DNER: variants seen among roughly 807,000 people sequenced by gnomAD.
DNER encodes the protein delta and Notch-like epidermal growth factor-related receptor.
DNER carries 33 observed loss-of-function variants against 78.2 expected under a neutral mutation model. The ratio of observed to expected loss-of-function variants is 0.42; its 90% CI spans 0.32 to 0.56. The LOEUF is 0.56. Among genes scored for constraint, DNER ranks in the 20% least tolerant of loss-of-function variants. The pLI is 0.11. For synonymous variants in DNER, 417 were observed against 384.8 expected, an observed-to-expected ratio of 1.08 and a Z score of -0.98; for missense variants, 918 against 975.3, an observed-to-expected ratio of 0.94 and a Z score of 0.78.
At chr2:229,496,014 G>A (rs1424943338) in intron 6 of DNER, among the ~76,000 whole-genome samples, 1 of 152,158 alleles carries the variant, frequency 6.6e-6, no homozygotes, top group African/African-American at 2.4e-5. Flanking sequence ...CCTACAGAGT[G>A]TTTGGCACCT....
chr2:229,413,746 A>G (rs188195178), intron 9 of DNER, among the ~76,000 whole-genome samples: 60 of 150,384 alleles, frequency 4.0e-4, no homozygotes, highest in African/African-American at 1.3e-3. Flanking sequence ...ATATATAGTT[A>G]TATTATATAT....
chr2:229,596,741 T>C (rs1004351697), intron 1 of DNER, among the ~76,000 whole-genome samples: 7 of 152,182 alleles, frequency 4.6e-5, no homozygotes, highest in South Asian at 2.1e-4. Flanking sequence ...CTGAGCTTCA[T>C]AGATGAGAGG....
At chr2:229,565,504 T>C (rs1574906212) in intron 4 of DNER, among the ~76,000 whole-genome samples, 1 of 152,186 alleles carries the variant, frequency 6.6e-6, no homozygotes, top group African/African-American at 2.4e-5. Flanking sequence ...ATGGCTACCA[T>C]TCATAGGATT....
intron 1 of DNER, among the ~76,000 whole-genome samples, chr2:229,602,005 T>G (rs887100896): frequency 4.6e-5 from 7 of 152,146 alleles, no homozygotes; most frequent in African/African-American, 1.7e-4. Context: ...ATGCTTTTTT[T>G]TTTTTCACTT....
Position 229,547,077 on chromosome 2 carries a change from G to A in DNER, c.863C>T (p.Ser288Phe), listed in dbSNP as rs1465571570. Reference protein sequence around the residue: ...NNHFIGFVNDSVTKSIVALRL... With the variant: ...NNHFIGFVNDFVTKSIVALRL... ...CAAAGCCACAATAGACTTAGTCACAGAATCATTCACAAAACCTAAAAGAAA... is the reference window on the plus strand; with the variant it reads ...CAAAGCCACAATAGACTTAGTCACAAAATCATTCACAAAACCTAAAAGAAA... The change falls in exon 5 of 13, where the codon TCT (serine) becomes TTT (phenylalanine). Residue 288 changes from serine to phenylalanine, a missense_variant. Coordinates refer to ENST00000341772, the MANE Select transcript of DNER (RefSeq NM_139072.4). The A allele has an allele frequency of 8.1e-6, 13 of 1,613,872 alleles. No homozygotes were observed. Among genetic ancestry groups the A allele is most frequent in the African/African-American group, 2.7e-5 (2 of 74,900 alleles).
chr2:229,580,591 CA>C (rs1697374799), intron 4 of DNER, among the ~76,000 whole-genome samples: 2 of 151,904 alleles, frequency 1.3e-5, no homozygotes, highest in South Asian at 4.2e-4. Flanking sequence ...TATAAAGGAA[CA>C]AATGGAGAGA....
intron 1 of DNER, among the ~76,000 whole-genome samples, chr2:229,617,550 A>C (rs1009023694): frequency 2.9e-4 from 28 of 95,792 alleles, no homozygotes; most frequent in African/African-American, 7.5e-4. Flanking sequence ...CTAACACACA[A>C]AAAAAAAGTT....
At chr2:229,452,214 C>G (rs1447334756) in intron 7 of DNER, among the ~76,000 whole-genome samples, 1 of 152,102 alleles carries the variant, frequency 6.6e-6, no homozygotes, top group Non-Finnish European at 1.5e-5. Flanking sequence ...CAGTTGTTTA[C>G]TCGAATAATT....
rs1337825197 is a variant in DNER at position 229,388,277 on chromosome 2, T to C, written c.1843A>G (p.Asn615Asp). 6.2e-7 allele frequency: 1 copy of C among 1,607,052 alleles called. No individual in the cohort carries two copies. The highest frequency in any genetic ancestry group is 1.7e-5 in the Admixed American group (1 of 59,280). Reference sequence around the variant, plus strand: ...CAGAAATACTTACGGATCTCACAGTTTGCTCCCACCCAACCATGCGGGCAG... The same window carrying C: ...CAGAAATACTTACGGATCTCACAGTCTGCTCCCACCCAACCATGCGGGCAG... ...CHCPHGWVGA[N>D]CEIHLQWKSG... Residue 615 changes from asparagine to aspartate, a missense_variant, in exon 11 of 13, where the codon AAC becomes GAC. Asn to Asp is a conservative substitution (Grantham distance 23, BLOSUM62 1). Coordinates refer to ENST00000341772, the MANE Select transcript of DNER (RefSeq NM_139072.4).
rs1048025953 is a variant in DNER at position 229,578,223 on chromosome 2, C to G, written c.847+7635G>C. Among the ~76,000 whole-genome samples, 113 of 152,244 alleles carry G rather than the reference C, an allele frequency of 7.4e-4. 1 individual carries two copies. Among genetic ancestry groups the G allele is most frequent in the East Asian group, 1.9e-4 (1 of 5,184 alleles). On this transcript the variant is annotated intron_variant, in intron 4 of 12. Coordinates refer to ENST00000341772, the MANE Select transcript of DNER (RefSeq NM_139072.4). ...TCTTCTGGCATGTCCTGGTCGGTCG[C>G]TCGCCCTGTCTCCTCCCATCTCGTC...
At chr2:229,631,149 A>T (rs532644003) in intron 1 of DNER, among the ~76,000 whole-genome samples, 1 of 152,250 alleles carries the variant, frequency 6.6e-6, no homozygotes, top group East Asian at 1.9e-4. Flanking sequence ...TTGGGTATAC[A>T]CCCAGTAATG....
intron 11 of DNER, among the ~76,000 whole-genome samples, chr2:229,373,113 A>AAC (rs1487894316): frequency 6.6e-6 from 1 of 152,214 alleles, no homozygotes; most frequent in Non-Finnish European, 1.5e-5. Context: ...GACCTAATTA[A>AAC]ACTAAAGAGC....
intron 6 of DNER, among the ~76,000 whole-genome samples, chr2:229,485,892 T>C (rs1695259503): frequency 6.6e-6 from 1 of 152,222 alleles, no homozygotes; most frequent in African/African-American, 2.4e-5. Context: ...AGAGCTGTTC[T>C]GAAGGCTCCC....
At chr2:229,443,406 C>T (rs1050211790) in intron 8 of DNER, among the ~76,000 whole-genome samples, 5 of 152,320 alleles carry the variant, frequency 3.3e-5, no homozygotes, top group East Asian at 1.9e-4. Flanking sequence ...TTTGTAGCAG[C>T]TCCAAGTTCT....
At chr2:229,710,056 A>G (rs1213121097) in intron 1 of DNER, among the ~76,000 whole-genome samples, 2 of 152,162 alleles carry the variant, frequency 1.3e-5, no homozygotes, top group African/African-American at 4.8e-5. Flanking sequence ...TTTTTTATGT[A>G]GTGTCCATTT....
chr2:229,365,158 A>C (rs2106325612), intron 12 of DNER, among the ~76,000 whole-genome samples: 1 of 152,346 alleles, frequency 6.6e-6, no homozygotes, highest in Non-Finnish European at 1.5e-5. Context: ...AAAGAAACAC[A>C]GAACCCATTG....
chr2:229,515,107 G>T (rs746111592), intron 5 of DNER, among the ~76,000 whole-genome samples: 1 of 152,096 alleles, frequency 6.6e-6, no homozygotes. Flanking sequence ...GTGGTAAATG[G>T]AAATTCCCTC....
intron 6 of DNER, among the ~76,000 whole-genome samples, chr2:229,506,195 G>GGA (rs796608378): frequency 4.0e-5 from 6 of 151,668 alleles, no homozygotes; most frequent in Non-Finnish European, 5.9e-5. Context: ...AGGGCTGGGG[G>GGA]GCCTCAAGAA....
At chr2:229,628,957 A>G (rs567914645) in intron 1 of DNER, among the ~76,000 whole-genome samples, 1 of 152,174 alleles carries the variant, frequency 6.6e-6, no homozygotes, top group Non-Finnish European at 1.5e-5. Context: ...GTTTAAAAAT[A>G]CCAACACCCC....
Sources: allele counts gnomAD v4.1 joint callset (sites outside exome capture counted in the v4.1 genomes callset), GRCh38; gene constraint gnomAD v4.1.1; transcripts MANE v1.5; gene names NCBI Gene and HGNC (gene_info 2026-07-23, HGNC 2026-07-21).